MGAM2: variants seen among roughly 807,000 people sequenced by gnomAD.
MGAM2 encodes probable maltase-glucoamylase 2.
A neutral mutation model predicts 96.1 loss-of-function variants in MGAM2; 98 were observed. That is an observed-to-expected ratio of 1.02 (90% CI 0.87 to 1.21). MGAM2 has a LOEUF of 1.21. MGAM2 is among the 50% of genes most tolerant of loss of function. The pLI is 0.00. For missense variants in MGAM2, 2,055 were observed against 1,182.4 expected, an observed-to-expected ratio of 1.74 and a Z score of -10.82; for synonymous variants, 749 against 414.8, an observed-to-expected ratio of 1.81 and a Z score of -9.79.
chr7:142,207,102 G>T (rs935409755), intron 45 of MGAM2, among the ~76,000 whole-genome samples: 4 of 152,194 alleles, frequency 2.6e-5, no homozygotes, highest in African/African-American at 9.7e-5. Context: ...ACAAGAGTTG[G>T]AATGTTGAGA....
At chr7:142,129,214 GA>G (rs1156377822) in intron 3 of MGAM2, among the ~76,000 whole-genome samples, 2 of 152,214 alleles carry the variant, frequency 1.3e-5, no homozygotes, top group African/African-American at 4.8e-5. Context: ...CTCCCATTTG[GA>G]ATGGGTATAT....
intron 3 of MGAM2, among the ~76,000 whole-genome samples, chr7:142,123,505 T>C (rs1388859198): frequency 6.6e-6 from 1 of 152,208 alleles, no homozygotes; most frequent in Non-Finnish European, 1.5e-5. Flanking sequence ...AACCATTCTA[T>C]GGTTTTAATT....
chr7:142,196,180 G>A lies in MGAM2; in HGVS notation c.4373G>A (p.Arg1458Gln), dbSNP rs114000822. The change falls in exon 38 of 48, where the codon CGA (arginine) becomes CAA (glutamine). Residue 1458 changes from arginine to glutamine, a missense_variant. Coordinates refer to ENST00000477922, the MANE Select transcript of MGAM2 (RefSeq NM_001293626.2). ...YEAVQEVTGQ[R>Q]GVIITRSTFP... ...GCTGTGCAGGAGGTGACAGGACAGC[G>A]AGGGGTCATCATCACCCGCTCCACA... is the stretch of plus-strand genomic sequence containing the variant. 8.4e-5 allele frequency: 101 copies of A among 1,205,060 alleles called. No individual in the cohort carries two copies. In the African/African-American group the frequency reaches 1.1e-3, roughly 13 times the overall value. The allele number at this position is 1,205,060 out of a possible 1,614,324, so 74.6% of individuals were successfully genotyped here.
chr7:142,214,411 A>G (rs754806256), intron 46 of MGAM2, among the ~76,000 whole-genome samples: 5 of 152,224 alleles, frequency 3.3e-5, no homozygotes, highest in Non-Finnish European at 7.3e-5. Flanking sequence ...AGAAAACCCC[A>G]TTGTCTCAGC....
intron 15 of MGAM2, among the ~76,000 whole-genome samples, chr7:142,150,381 T>C (rs1172273398): frequency 1.3e-5 from 2 of 152,216 alleles, no homozygotes; most frequent in Admixed American, 1.3e-4. Context: ...ATGTTACTTT[T>C]GAAACATTTC....
In MGAM2 at chr7:142,220,393, C is replaced by G. The variant is rs1416417543; in HGVS notation, c.5882C>G (p.Thr1961Ser). 1.4e-6 allele frequency: 1 copy of G among 702,668 alleles called. No homozygotes were observed. The highest frequency in any genetic ancestry group is 2.0e-5 in the Admixed American group (1 of 49,962). The allele number at this position is 702,668 out of a possible 1,614,324, so 43.5% of individuals were successfully genotyped here. Residue 1961 changes from threonine to serine, a missense_variant, in exon 48 of 48, where the codon ACT (threonine) becomes AGT (serine). Physicochemically the swap from Thr to Ser is moderately conservative, Grantham distance 58. Coordinates refer to ENST00000477922, the MANE Select transcript of MGAM2 (RefSeq NM_001293626.2). ...VTTNATVPDT[T>S]APFPTNTTTA... ...ACTAATGCTACTGTTCCCGATACAA[C>G]TGCCCCTTTCCCAACAAATACTACT...
Position 142,158,246 on chromosome 7 carries a change from A to G in MGAM2, c.2079-2A>G. On this transcript the variant is annotated splice_acceptor_variant, in intron 18 of 47. Transcript: ENST00000477922. LOFTEE classifies it high-confidence loss of function. ...GCCTTCACTGTGCTACCTCTTTACT[A>G]GGTTCTACCAGGACTCAGCCACGTG... is the stretch of plus-strand genomic sequence containing the variant. The G allele has an allele frequency of 2.8e-6, 2 of 702,956 alleles. No individual in the cohort carries two copies. Among genetic ancestry groups the G allele is most frequent in the Non-Finnish European group, 5.2e-6 (2 of 384,988 alleles). 43.5% of individuals were successfully genotyped at this position (702,956 alleles called of 1,614,324 possible). A position where few individuals can be genotyped will look rare whatever the true frequency, so the allele number is the denominator to read the frequency against.
At position 142,183,950 on chromosome 7, in the gene MGAM2, C is replaced by CTTTTTTTTTTT. The variant is rs748299647; in HGVS notation, c.3924+607_3924+617dup. On this transcript the variant is annotated intron_variant, in intron 33 of 47. Transcript: ENST00000477922. ...ACTGCTCTGGATGTATTCCAGGCTC[C>CTTTTTTTTTTT]TTTTTTTTTTTTTTTTTTTTTTTTT... 5.4e-4 allele frequency among the ~76,000 whole-genome samples: 25 copies of CTTTTTTTTTTT among 46,146 alleles called. 9 individuals are homozygous for CTTTTTTTTTTT. The highest frequency in any genetic ancestry group is 1.0e-3 in the Non-Finnish European group (21 of 20,368). 30.3% of individuals were successfully genotyped at this position (46,146 alleles called of 152,430 possible). A position where few individuals can be genotyped will look rare whatever the true frequency, so the allele number is the denominator to read the frequency against.
At chr7:142,218,770 G>A (rs1797838366) in intron 47 of MGAM2, among the ~76,000 whole-genome samples, 1 of 152,178 alleles carries the variant, frequency 6.6e-6, no homozygotes, top group Non-Finnish European at 1.5e-5. Context: ...CTGGCCTGAT[G>A]AGATCCTCTC....
chr7:142,171,613 TA>T (rs1208158513), intron 28 of MGAM2, among the ~76,000 whole-genome samples, 173 bp downstream of exon 28: 1 of 30,520 alleles, frequency 3.3e-5, no homozygotes, highest in East Asian at 1.7e-3. Context: ...GGCATATATA[TA>T]TATATATATA....
intron 25 of MGAM2, among the ~76,000 whole-genome samples, chr7:142,166,680 T>G (rs926785970): frequency 6.6e-6 from 1 of 152,176 alleles, no homozygotes; most frequent in Admixed American, 6.5e-5. Context: ...AGTAGAACCC[T>G]GCCTGGAGGC....
At chr7:142,216,231 A>G (rs995457492) in intron 46 of MGAM2, among the ~76,000 whole-genome samples, 4 of 152,306 alleles carry the variant, frequency 2.6e-5, no homozygotes, top group Non-Finnish European at 5.9e-5. Flanking sequence ...AAGACTCTAC[A>G]TATTTTTTCC....
rs1198186591 is a variant in MGAM2 at position 142,147,442 on chromosome 7, G to A, written c.1517-14G>A. 1.4e-6 allele frequency: 1 copy of A among 698,780 alleles called. No homozygotes were observed. The highest frequency in any genetic ancestry group is 2.6e-6 in the Non-Finnish European group (1 of 383,564). 43.3% of individuals were successfully genotyped at this position (698,780 alleles called of 1,614,324 possible). Reference sequence around the variant, plus strand: ...TAATGAGGAAGTGCCTCACTAATGAGTATTTCCCTCCAGGAGTTCTGGATC... The same window carrying A: ...TAATGAGGAAGTGCCTCACTAATGAATATTTCCCTCCAGGAGTTCTGGATC... On this transcript the variant is annotated splice_polypyrimidine_tract_variant and intron_variant, in intron 14 of 47. Transcript: ENST00000477922.
intron 3 of MGAM2, 74 bp from the exon 4 acceptor site, chr7:142,130,874 G>A (rs552477270): frequency 1.4e-5 from 9 of 655,362 alleles, no homozygotes; most frequent in African/African-American, 1.8e-5. Context: ...AATAAAATGG[G>A]TTATAAATAA....
chr7:142,189,457 A>T lies in MGAM2; in HGVS notation c.4298A>T (p.Tyr1433Phe), dbSNP rs772726161. The T allele has an allele frequency of 6.0e-5, 51 of 849,132 alleles. No homozygotes were observed. In the South Asian group the frequency reaches 7.1e-4, roughly 12 times the overall value. The allele number at this position is 849,132 out of a possible 1,614,324, so 52.6% of individuals were successfully genotyped here. Residue 1433 changes from tyrosine to phenylalanine, a missense_variant, in exon 37 of 48, where the codon TAC becomes TTC. By Grantham distance (22) the Tyr-to-Phe change is conservative (BLOSUM62 3). Coordinates refer to ENST00000477922, the MANE Select transcript of MGAM2 (RefSeq NM_001293626.2). ...ILPDSSPVEH[Y>F]NVHNLYGWSQ... ...CCGGACAGCTCCCCCGTGGAGCACT[A>T]CAACGTGCACAACCTGTACGGGTGG... is the stretch of plus-strand genomic sequence containing the variant.
chr7:142,166,859 G>A (rs557644607), intron 25 of MGAM2, among the ~76,000 whole-genome samples: 170 of 152,316 alleles, frequency 1.1e-3, no homozygotes, highest in African/African-American at 3.9e-3. Context: ...CAAAATTCTG[G>A]AGTCTAGAAG....
At chr7:142,207,437 T>A (rs1019812945) in intron 45 of MGAM2, among the ~76,000 whole-genome samples, 1 of 152,008 alleles carries the variant, frequency 6.6e-6, no homozygotes, top group Non-Finnish European at 1.5e-5. Context: ...TTTTTATTTA[T>A]TTTTTTGAGA....
intron 36 of MGAM2, among the ~76,000 whole-genome samples, chr7:142,189,056 T>G (rs1244640707): frequency 6.6e-6 from 1 of 152,182 alleles, no homozygotes; most frequent in Non-Finnish European, 1.5e-5. Context: ...TACCATCTAG[T>G]GGAAGAAACA....
intron 32 of MGAM2, among the ~76,000 whole-genome samples, chr7:142,176,455 T>TTGTG (rs200879756): frequency 6.9e-6 from 1 of 144,700 alleles, no homozygotes; most frequent in Admixed American, 7.1e-5. Context: ...CTTCTACAAG[T>TTGTG]TGTGTGTGTG....
Sources: allele counts gnomAD v4.1 joint callset (sites outside exome capture counted in the v4.1 genomes callset), GRCh38; gene constraint gnomAD v4.1.1; transcripts MANE v1.5; gene names NCBI Gene and HGNC (gene_info 2026-07-23, HGNC 2026-07-21).